ADAMTS1: variants seen among roughly 807,000 people sequenced by gnomAD.
The protein encoded by ADAMTS1 is ADAM metallopeptidase with thrombospondin type 1 motif 1, also known as A disintegrin and metalloproteinase with thrombospondin motifs 1.
In ADAMTS1, 19 loss-of-function variants were observed where a neutral mutation model predicts 87.9. The ratio of observed to expected loss-of-function variants is 0.22; its 90% CI spans 0.15 to 0.32. ADAMTS1 has a LOEUF of 0.32. Ranked by LOEUF, ADAMTS1 falls within the 10% of genes least tolerant of loss-of-function variation. The pLI, the probability that ADAMTS1 is intolerant of heterozygous loss-of-function variation, is 1.00. For missense variants in ADAMTS1, 1,240 were observed against 1,259.1 expected (o/e 0.98, Z 0.23); for synonymous variants, 542 against 501.8 (o/e 1.08, Z -1.07).
chr21:26,838,769 T>A, intron 7 of ADAMTS1, 155 bp from the exon 8 acceptor site: 1 of 716,218 alleles, frequency 1.4e-6, no homozygotes, highest in Non-Finnish European at 2.2e-6. Flanking sequence ...CCCTTCACTT[T>A]GGCATATTTT....
At position 26,841,910 on chromosome 21, in the gene ADAMTS1, G is replaced by A. The variant is rs141975781; in HGVS notation, c.1158C>T (p.Ser386=). The change falls in exon 3 of 9, where the codon TCC becomes TCT. Residue 386 remains serine, a synonymous_variant. Transcript: ENST00000284984. The part of the protein sequence containing the change: ...GTVCDPSRSC[S]VIEDDGLQAA... ...CTTGTAAACCATCATCTTCTATGAC[G>A]GAGCAGCTTCTGCTCGGATCACACA... 46 of 1,613,936 alleles carry A rather than the reference G, an allele frequency of 2.9e-5. No homozygotes were observed. The Middle Eastern group carries it at 2.3e-3, about 81-fold the overall frequency.
chr21:26,840,627 T>C, intron 4 of ADAMTS1, 65 bp from the exon 5 acceptor site: 5 of 1,518,714 alleles, frequency 3.3e-6, no homozygotes, highest in Non-Finnish European at 4.5e-6. Context: ...GTAGATCCCA[T>C]TTCAGAAAAT....
rs981633241 is a variant in ADAMTS1, at chr21:26,837,106, C to A, written c.*473G>T. On this transcript the variant is annotated 3_prime_UTR_variant, in exon 9 of 9. Coordinates refer to ENST00000284984, the MANE Select transcript of ADAMTS1 (RefSeq NM_006988.5). ...GCCATAAACAGTGCTGGTCAAAGAT[C>A]CTATTTGTACTCCTTTCTCCCCCCA... is the stretch of plus-strand genomic sequence containing the variant. The A allele has an allele frequency of 6.2e-6, 1 of 160,192 alleles. No individual in the cohort carries two copies. The highest frequency in any genetic ancestry group is 5.8e-5 in the Admixed American group (1 of 17,348). The allele number at this position is 160,192 out of a possible 1,614,324, so 9.9% of individuals were successfully genotyped here.
Position 26,837,664 on chromosome 21 carries a change from C to T in ADAMTS1, c.2819G>A (p.Gly940Glu). 1 of 1,614,226 alleles carries T rather than the reference C, an allele frequency of 6.2e-7. No individual in the cohort carries two copies. Among genetic ancestry groups the T allele is most frequent in the South Asian group, 1.1e-5 (1 of 91,082 alleles). The change falls in exon 9 of 9, where the codon GGA becomes GAA. Residue 940 changes from glycine (G) to glutamate (E), a missense_variant. Gly to Glu is a moderately conservative substitution (Grantham distance 98). Coordinates refer to ENST00000284984, the MANE Select transcript of ADAMTS1 (RefSeq NM_006988.5). ...ACAGCTCTCATGAGATAACACCCCT[C>T]CATCATGGGACAGACACTTCAAGCT... ...KRSLKCLSHD[G>E]GVLSHESCDP...
chr21:26,840,513 A>T lies in ADAMTS1; in HGVS notation c.1428T>A (p.Asp476Glu). 6.2e-7 allele frequency: 1 copy of T among 1,614,232 alleles called. No individual in the cohort carries two copies. The highest frequency in any genetic ancestry group is 1.3e-5 in the African/African-American group (1 of 75,058). ...KPQNPIQLPG[D>E]LPGTSYDANR... ...TGGCATCGTACGAGGTGCCAGGGAG[A>T]TCGCCTGGGAGCTGTATGGGATTCT... Residue 476 changes from aspartate (D) to glutamate (E), a missense_variant, in exon 5 of 9, where the codon GAT (aspartate) becomes GAA (glutamate). Around this residue, in one of 3 missense-constraint regions of ADAMTS1, gnomAD observed 317 missense variants for 410.3 expected, o/e 0.77. Coordinates refer to ENST00000284984, the MANE Select transcript of ADAMTS1 (RefSeq NM_006988.5).
rs1985584418 is a variant in ADAMTS1 at position 26,844,786 on chromosome 21, C to T, written c.169G>A (p.Asp57Asn). The T allele has an allele frequency of 1.3e-6, 2 of 1,547,250 alleles. No individual in the cohort carries two copies. Among genetic ancestry groups the T allele is most frequent in the Admixed American group, 3.8e-5 (2 of 52,728 alleles). Residue 57 changes from aspartate to asparagine, a missense_variant, in exon 1 of 9, where the codon GAC (aspartate) becomes AAC (asparagine). Physicochemically the swap from Asp to Asn is conservative, Grantham distance 23 (BLOSUM62 1). This residue lies in a region of ADAMTS1 where 521 missense variants were observed against 449.7 expected (regional missense o/e 1.16). Coordinates refer to ENST00000284984, the MANE Select transcript of ADAMTS1 (RefSeq NM_006988.5). ...AGCTCCGGCACCACTAGCTCCTCGTCCTCCTCGGAGGGGCGCCCGAGTGCG... is the reference window on the plus strand; with the variant it reads ...AGCTCCGGCACCACTAGCTCCTCGTTCTCCTCGGAGGGGCGCCCGAGTGCG... Reference protein sequence around the residue: ...SDALGRPSEEDEELVVPELER... With the variant: ...SDALGRPSEENEELVVPELER...
chr21:26,845,087 G>A lies in ADAMTS1; in HGVS notation c.-133C>T. The A allele has an allele frequency of 2.5e-6, 3 of 1,209,330 alleles. No homozygotes were observed. The highest frequency in any genetic ancestry group is 3.0e-5 in the South Asian group (1 of 32,884). The allele number at this position is 1,209,330 out of a possible 1,614,324, so 74.9% of individuals were successfully genotyped here. ...AATTTCTATTATTCGTTGGAAGGGC[G>A]CGCAGAGCCGGCTACAGCCGAAGCT... is the stretch of plus-strand genomic sequence containing the variant. On this transcript the variant is annotated 5_prime_UTR_variant, in exon 1 of 9. Coordinates refer to ENST00000284984, the MANE Select transcript of ADAMTS1 (RefSeq NM_006988.5).
At chr21:26,842,305 G>A (rs1437916460) in intron 2 of ADAMTS1, 34 bp downstream of exon 2, 3 of 1,591,262 alleles carry the variant, frequency 1.9e-6, no homozygotes, top group Non-Finnish European at 2.6e-6. Flanking sequence ...CTCCTAAGAG[G>A]ACAGTCTCAC....
Position 26,838,263 on chromosome 21 carries a change from A to T in ADAMTS1, c.2220T>A (p.Asp740Glu). ...TGGCTCCAGTTGGAATTGTGATGAT[A>T]TCATGATATCCAGGTCTGCAGGTGA... ...SVTSAKPGYH[D>E]IITIPTGATN... is the part of the protein sequence containing the mutation. Residue 740 changes from aspartate to glutamate, a missense_variant, in exon 9 of 9, where the codon GAT (aspartate) becomes GAA (glutamate). Physicochemically the swap from Asp to Glu is conservative, Grantham distance 45. Transcript: ENST00000284984. 1 of 1,608,694 alleles carries T rather than the reference A, an allele frequency of 6.2e-7. No homozygotes were observed. Among genetic ancestry groups the T allele is most frequent in the South Asian group, 1.1e-5 (1 of 90,610 alleles).
In ADAMTS1 at chr21:26,837,947, T is replaced by C. The variant is rs1180651399; in HGVS notation, c.2536A>G (p.Lys846Glu). 2.5e-6 allele frequency: 4 copies of C among 1,613,964 alleles called. No individual in the cohort carries two copies. Among genetic ancestry groups the C allele is most frequent in the African/African-American group, 1.3e-5 (1 of 74,928 alleles). ...IKYTYFVKKK[K>E]ESFNAIPTFS... The stretch of plus-strand genomic sequence containing the variant: ...GTGGGGATAGCATTGAAAGATTCCT[T>C]CTTCTTCTTTACGAAGTAGGTGTAT... Residue 846 changes from lysine (K) to glutamate (E), a missense_variant, in exon 9 of 9, where the codon AAG becomes GAG. Lys to Glu is a moderately conservative substitution (Grantham distance 56). This residue lies in a region of ADAMTS1 where 402 missense variants were observed against 399.1 expected (regional missense o/e 1.01). Transcript: ENST00000284984.
In ADAMTS1 at chr21:26,844,315, C is replaced by T. The variant is rs1304959295; in HGVS notation, c.640G>A (p.Glu214Lys). ...CCCTCAGTCCCTTCGTCCTCGTCTTCGGTCTCCGCTTTCCCAGTCGGCCGG... is the reference window on the plus strand; with the variant it reads ...CCCTCAGTCCCTTCGTCCTCGTCTTTGGTCTCCGCTTTCCCAGTCGGCCGG... ...EPRPTGKAET[E>K]DEDEGTEGED... Residue 214 changes from glutamate (E) to lysine (K), a missense_variant, in exon 1 of 9, where the codon GAA becomes AAA. Transcript: ENST00000284984. The T allele has an allele frequency of 3.7e-6, 6 of 1,609,016 alleles. No individual in the cohort carries two copies. Among genetic ancestry groups the T allele is most frequent in the Non-Finnish European group, 5.1e-6 (6 of 1,178,778 alleles).
Position 26,844,820 on chromosome 21 carries a change from G to T in ADAMTS1, c.135C>A (p.Ala45=). The T allele has an allele frequency of 1.3e-6, 2 of 1,551,242 alleles. No homozygotes were observed. The highest frequency in any genetic ancestry group is 2.4e-5 in the East Asian group (1 of 42,112). ...TLLLLAAALL[A]VSDALGRPSE... ...AGGGGCGCCCGAGTGCGTCCGACAC[G>T]GCCAGTAGCGCCGCGGCGAGCAGCA... is the stretch of plus-strand genomic sequence containing the variant. The change falls in exon 1 of 9, where the codon GCC becomes GCA. Residue 45 remains alanine (A), a synonymous_variant. Coordinates refer to ENST00000284984, the MANE Select transcript of ADAMTS1 (RefSeq NM_006988.5).
rs1161074086 is a variant in ADAMTS1, at chr21:26,841,099, T to C, written c.1277A>G (p.Asp426Gly). 1.8e-5 allele frequency: 29 copies of C among 1,614,068 alleles called. No homozygotes were observed. In the Admixed American group the frequency reaches 4.5e-4, roughly 25 times the overall value. The change falls in exon 4 of 9, where the codon GAT (aspartate) becomes GGT (glycine). Residue 426 changes from aspartate (D) to glycine (G), a missense_variant. Asp to Gly is a moderately conservative substitution (Grantham distance 94). Around this residue, in one of 3 missense-constraint regions of ADAMTS1, gnomAD observed 317 missense variants for 410.3 expected, o/e 0.77. Coordinates refer to ENST00000284984, the MANE Select transcript of ADAMTS1 (RefSeq NM_006988.5). ...QCASLNGVNQDSHMMASMLSN... is the reference protein window; with the variant it reads ...QCASLNGVNQGSHMMASMLSN... ...AAGCATTGACGCCATCATGTGGGAA[T>C]CCTGGTTCACACCATTAAGGCTGGC...
chr21:26,842,733 AGT>A (rs1246739544), intron 1 of ADAMTS1, 48 bp from the exon 2 acceptor site: 1 of 1,520,078 alleles, frequency 6.6e-7, no homozygotes, highest in East Asian at 2.3e-5. Flanking sequence ...GTCCAAGAAT[AGT>A]TACCTTCCTA....
intron 1 of ADAMTS1, chr21:26,843,720 C>T (rs1343823573): frequency 2.0e-6 from 1 of 500,572 alleles, no homozygotes. Context: ...AACAGAGATC[C>T]TAGCGTAGCC....
Position 26,838,011 on chromosome 21 carries a change from C to T in ADAMTS1, c.2472G>A (p.Gln824=). Residue 824 remains glutamine (Q), a synonymous_variant, in exon 9 of 9, where the codon CAG becomes CAA. Transcript: ENST00000284984. Reference sequence around the variant, plus strand: ...GAAGGGCATTGCCCACAGTAAGAACCTGGATGGTCAAGGGCTCTTTGAGAG... The same window carrying T: ...GAAGGGCATTGCCCACAGTAAGAACTTGGATGGTCAAGGGCTCTTTGAGAG... The part of the protein sequence containing the change: ...FSPLKEPLTI[Q]VLTVGNALRP... 4 of 1,614,198 alleles carry T rather than the reference C, an allele frequency of 2.5e-6. No individual in the cohort carries two copies. The highest frequency in any genetic ancestry group is 1.6e-4 in the Middle Eastern group (1 of 6,062).
chr21:26,841,384 C>T (rs462404), intron 3 of ADAMTS1: 335,666 of 449,956 alleles, frequency 0.75, 127,882 homozygotes, highest in African/African-American at 0.89. Context: ...CATGCTGAGG[C>T]AGCAGAATCG....
intron 8 of ADAMTS1, 61 bp from the exon 9 acceptor site, chr21:26,838,339 T>C (rs1281948405): frequency 6.4e-7 from 1 of 1,569,392 alleles, no homozygotes; most frequent in African/African-American, 1.4e-5. Flanking sequence ...TTATTTAGCT[T>C]AAAAACACAT....
At chr21:26,838,308 C>CTGAT (rs772524571) in intron 8 of ADAMTS1, 30 bp from the exon 9 acceptor site, 11 of 1,580,586 alleles carry the variant, frequency 7.0e-6, no homozygotes, top group Non-Finnish European at 9.5e-6. Flanking sequence ...GCATAAATCT[C>CTGAT]TGATTCATTG....
Sources: allele counts gnomAD v4.1 joint callset, GRCh38; gene constraint gnomAD v4.1.1; regional missense constraint gnomAD v4.1.1; transcripts MANE v1.5; gene names NCBI Gene and HGNC (gene_info 2026-07-23, HGNC 2026-07-21).